The following FAM186B variants were observed in gnomAD, a reference collection of about 807,000 sequenced individuals.
The protein encoded by FAM186B is family with sequence similarity 186 member B.
Under a neutral mutation model 83.4 loss-of-function variants are expected in FAM186B, and 68 were observed. The observed-to-expected ratio is 0.81, with a 90% CI of 0.67 to 1.00. The LOEUF is 1.00. Among genes scored for constraint, FAM186B ranks in the 50% least tolerant of loss-of-function variants. The pLI, the probability that FAM186B is intolerant of heterozygous loss-of-function variation, is 0.00. For missense variants in FAM186B, 983 were observed against 1,099.2 expected (o/e 0.89, Z 1.49); for synonymous variants, 389 against 422.0 (o/e 0.92, Z 0.96).
intron 5 of FAM186B, among the ~76,000 whole-genome samples, chr12:49,597,371 A>G (rs1939751771): frequency 6.6e-6 from 1 of 151,604 alleles, no homozygotes; most frequent in African/African-American, 2.4e-5. Flanking sequence ...ATGGAAAAAT[A>G]TCGCATGATC....
chr12:49,588,887 G>A (rs1004644374), intron 5 of FAM186B, among the ~76,000 whole-genome samples: 6 of 152,310 alleles, frequency 3.9e-5, no homozygotes, highest in African/African-American at 1.4e-4. Context: ...AAAACAGCAA[G>A]GAAGAAAATG....
chr12:49,598,180 C>T (rs1354967032), intron 5 of FAM186B, among the ~76,000 whole-genome samples: 1 of 152,178 alleles, frequency 6.6e-6, no homozygotes, highest in African/African-American at 2.4e-5. Flanking sequence ...TTCAGACAAC[C>T]AGGGTCTCAG....
At chr12:49,615,659 C>T in the FAM186B span, among the ~76,000 whole-genome samples, 1 of 152,012 alleles carries the variant, frequency 6.6e-6, no homozygotes, top group African/African-American at 2.4e-5. Context: ...TGTGGTGGCA[C>T]CTGCCTGTAG....
At chr12:49,612,664 A>G in the FAM186B span, among the ~76,000 whole-genome samples, 2 of 152,160 alleles carry the variant, frequency 1.3e-5, no homozygotes, top group African/African-American at 4.8e-5. Flanking sequence ...AAAGGATTCA[A>G]TTCAACAAGA....
intron 5 of FAM186B, among the ~76,000 whole-genome samples, chr12:49,594,885 AAAAG>A (rs1170032393): frequency 2.6e-5 from 4 of 152,202 alleles, no homozygotes; most frequent in African/African-American, 9.6e-5. Context: ...AAAAAAAAAA[AAAAG>A]GAATGCCGCA....
chr12:49,619,663 A>ATT, the FAM186B span: 1 of 323,758 alleles, frequency 3.1e-6, no homozygotes, highest in Non-Finnish European at 5.7e-6. Context: ...TTAGTTAGAC[A>ATT]TCTCTTTTTT....
rs746116968 is a variant in FAM186B at position 49,600,557 on chromosome 12, C to A, written c.1083G>T (p.Pro361=). Residue 361 remains proline (P), a synonymous_variant, in exon 4 of 7, where the codon CCG becomes CCT. Coordinates refer to ENST00000257894, the MANE Select transcript of FAM186B (RefSeq NM_032130.3). This position sits in a 1 kb window ranked among gnomAD's most constrained non-coding sequence, Gnocchi z 4.3. ...ETVMEESQQE[P]MKEEQLFSPL... is the part of the protein sequence containing the mutation. ...GCGAGAACAACTGCTCCTCCTTCAT[C>A]GGTTCCTGTTGGCTTTCCTCCATGA... 2 of 1,613,492 alleles carry A rather than the reference C, an allele frequency of 1.2e-6. No individual in the cohort carries two copies. The highest frequency in any genetic ancestry group is 1.6e-4 in the Middle Eastern group (1 of 6,080).
chr12:49,617,447 G>A, the FAM186B span, among the ~76,000 whole-genome samples: 1 of 152,184 alleles, frequency 6.6e-6, no homozygotes, highest in South Asian at 2.1e-4. Context: ...AGGAGGCTGA[G>A]GTGGGAGGGT....
chr12:49,601,244 G>A (rs111484322), intron 3 of FAM186B, 110 bp from the exon 4 acceptor site: 18 of 1,396,386 alleles, frequency 1.3e-5, no homozygotes, highest in East Asian at 1.2e-4. Flanking sequence ...GGGATTTGGC[G>A]AGAGTAGGGA....
chr12:49,583,113 T>G (rs1041926898), downstream of FAM186B: 1 of 454,788 alleles, frequency 2.2e-6, no homozygotes, highest in Non-Finnish European at 4.4e-6. Flanking sequence ...CAAGAGCCTG[T>G]GAAAACATGA....
At chr12:49,610,789 CAAA>C in the FAM186B span, among the ~76,000 whole-genome samples, 8 of 63,604 alleles carry the variant, frequency 1.3e-4, no homozygotes, top group Admixed American at 1.9e-4. Context: ...GACTCCATCT[CAAA>C]AAAAAAAAAA....
downstream of FAM186B, among the ~76,000 whole-genome samples, chr12:49,585,413 G>C (rs767419716): frequency 8.5e-5 from 13 of 152,178 alleles, no homozygotes; most frequent in South Asian, 2.1e-4. Context: ...GCTACAGAAA[G>C]CATTTGGGAT....
the FAM186B span, among the ~76,000 whole-genome samples, chr12:49,620,831 C>T: frequency 2.0e-5 from 3 of 152,060 alleles, no homozygotes; most frequent in Non-Finnish European, 4.4e-5. Context: ...GTTATTTTCT[C>T]CGTAAGAATT....
chr12:49,589,149 A>G (rs1939519783), intron 5 of FAM186B, among the ~76,000 whole-genome samples: 1 of 152,184 alleles, frequency 6.6e-6, no homozygotes, highest in African/African-American at 2.4e-5. Context: ...TGAAACCTCC[A>G]TGGCCAAGGC....
chr12:49,588,307 G>T, intron 6 of FAM186B, 147 bp downstream of exon 6: 1 of 992,218 alleles, frequency 1.0e-6, no homozygotes, highest in Non-Finnish European at 1.5e-6. Flanking sequence ...GGGGAGGGCA[G>T]CTGAGAAGAC....
At chr12:49,587,887 A>C (rs911666533) in intron 6 of FAM186B, 135 bp from the exon 7 acceptor site, 2 of 946,844 alleles carry the variant, frequency 2.1e-6, no homozygotes, top group African/African-American at 3.3e-5. Context: ...TGCCCTCCTC[A>C]TCTCCCCTCC....
chr12:49,583,178 T>G (rs1230928280), downstream of FAM186B: 1 of 413,894 alleles, frequency 2.4e-6, no homozygotes, highest in Non-Finnish European at 4.9e-6. Flanking sequence ...ATGAATAGTA[T>G]GAAATCTTTA....
chr12:49,588,940 G>T (rs997512009), intron 5 of FAM186B, among the ~76,000 whole-genome samples: 1 of 152,216 alleles, frequency 6.6e-6, no homozygotes, highest in African/African-American at 2.4e-5. Context: ...TCCAGGCAGG[G>T]TTCATGGCAG....
chr12:49,590,287 TAA>T (rs1939553969), intron 5 of FAM186B, among the ~76,000 whole-genome samples: 1 of 152,146 alleles, frequency 6.6e-6, no homozygotes, highest in Non-Finnish European at 1.5e-5. Flanking sequence ...TTTTGGAGTT[TAA>T]AGAGGTTTTC....
Sources: allele counts gnomAD v4.1 joint callset (sites outside exome capture counted in the v4.1 genomes callset), GRCh38; gene constraint gnomAD v4.1.1; non-coding constraint Gnocchi (gnomAD v3.1); transcripts MANE v1.5; gene names NCBI Gene and HGNC (gene_info 2026-07-23, HGNC 2026-07-21).